Variants in CEP112 observed in about 807,000 individuals in gnomAD.
CEP112 encodes centrosomal protein 112.
In CEP112, 127 loss-of-function variants were observed where a neutral mutation model predicts 153.0. The observed-to-expected ratio is 0.83, with a 90% CI of 0.72 to 0.96. The LOEUF is 0.96. CEP112 is among the 40% of genes least tolerant of loss of function. CEP112 has a pLI of 0.00. For missense variants in CEP112, 1,089 were observed against 1,101.2 expected, an observed-to-expected ratio of 0.99 and a Z score of 0.16; for synonymous variants, 358 against 374.4, an observed-to-expected ratio of 0.96 and a Z score of 0.51.
chr17:65,940,780 T>C (rs2061482178), intron 18 of CEP112, among the ~76,000 whole-genome samples: 1 of 152,174 alleles, frequency 6.6e-6, no homozygotes, highest in African/African-American at 2.4e-5. Context: ...GGGTACAAAG[T>C]TTCACTTAGA....
At chr17:65,698,088 A>G (rs922765637) in intron 23 of CEP112, among the ~76,000 whole-genome samples, 1 of 152,160 alleles carries the variant, frequency 6.6e-6, no homozygotes, top group African/African-American at 2.4e-5. Context: ...TAAAAAAACA[A>G]AACAAAACAA....
intron 23 of CEP112, among the ~76,000 whole-genome samples, chr17:65,699,011 G>A (rs1390897982): frequency 6.6e-6 from 1 of 152,094 alleles, no homozygotes; most frequent in Admixed American, 6.5e-5. Flanking sequence ...ACCAAACTGT[G>A]TATTTCTCCT....
chr17:65,974,612 T>C (rs2062964399), intron 17 of CEP112, among the ~76,000 whole-genome samples: 2 of 152,208 alleles, frequency 1.3e-5, no homozygotes, highest in Non-Finnish European at 2.9e-5. Flanking sequence ...TGTATACCCA[T>C]ATGTAGAACA....
Position 66,030,115 on chromosome 17 carries a change from A to G in CEP112, c.1219-92T>C, listed in dbSNP as rs540696678. 39 of 1,004,404 alleles carry G rather than the reference A, an allele frequency of 3.9e-5. No homozygotes were observed. In the African/African-American group the frequency reaches 6.2e-4, roughly 16 times the overall value. 62.2% of individuals were successfully genotyped at this position (1,004,404 alleles called of 1,614,324 possible). A position where few individuals can be genotyped will look rare whatever the true frequency, so the allele number is the denominator to read the frequency against. ...GCTTGAGGAACACGTATAATCTATA[A>G]GAATAAATAAAACAAATGTATCATA... On this transcript the variant is annotated intron_variant, in intron 12 of 26. Coordinates refer to ENST00000535342, the MANE Select transcript of CEP112 (RefSeq NM_001199165.4).
intron 18 of CEP112, among the ~76,000 whole-genome samples, chr17:65,930,399 T>C (rs949132648): frequency 6.6e-6 from 1 of 152,214 alleles, no homozygotes; most frequent in East Asian, 1.9e-4. Context: ...AAATGCATAT[T>C]ACCACCCACT....
At chr17:66,187,151 T>A (rs2072968002) in intron 1 of CEP112, among the ~76,000 whole-genome samples, 1 of 150,960 alleles carries the variant, frequency 6.6e-6, no homozygotes, top group Non-Finnish European at 1.5e-5. Context: ...ACCACTTAAC[T>A]TGAACTACTG....
At chr17:65,812,386 T>A (rs1200860442) in intron 21 of CEP112, among the ~76,000 whole-genome samples, 2 of 152,196 alleles carry the variant, frequency 1.3e-5, no homozygotes, top group Non-Finnish European at 2.9e-5. Context: ...GATATTTACA[T>A]GGGGAAGAAA....
intron 23 of CEP112, among the ~76,000 whole-genome samples, chr17:65,692,389 G>A (rs1404714173): frequency 2.0e-5 from 3 of 151,888 alleles, no homozygotes; most frequent in Admixed American, 6.6e-5. Context: ...CACCACACCC[G>A]GCTAATTTTT....
At chr17:66,174,175 G>A (rs888106497) in intron 4 of CEP112, among the ~76,000 whole-genome samples, 3 of 152,080 alleles carry the variant, frequency 2.0e-5, no homozygotes, top group Non-Finnish European at 4.4e-5. Flanking sequence ...TGATCCGCCC[G>A]CCTCAGCCTC....
chr17:66,164,943 CT>C (rs1186091258), intron 4 of CEP112, among the ~76,000 whole-genome samples: 1 of 143,834 alleles, frequency 7.0e-6, no homozygotes. Context: ...TAAACAGTTT[CT>C]TTTTTGTTAG....
At chr17:66,179,951 C>T (rs1276068902) in intron 2 of CEP112, among the ~76,000 whole-genome samples, 1 of 152,002 alleles carries the variant, frequency 6.6e-6, no homozygotes, top group Non-Finnish European at 1.5e-5. Context: ...AATGATCATA[C>T]AGTTTTTGTC....
At chr17:65,955,996 T>C (rs1043482596) in intron 18 of CEP112, among the ~76,000 whole-genome samples, 2 of 152,070 alleles carry the variant, frequency 1.3e-5, no homozygotes, top group Non-Finnish European at 2.9e-5. Context: ...CTACAACAAA[T>C]GGACTTAACA....
At chr17:66,161,897 T>TAAA (rs35268651) in intron 4 of CEP112, among the ~76,000 whole-genome samples, 6 of 149,990 alleles carry the variant, frequency 4.0e-5, no homozygotes, top group African/African-American at 4.9e-5. Flanking sequence ...CATTACACTG[T>TAAA]AAAAAAAAAA....
chr17:66,021,309 G>A (rs190729506), intron 16 of CEP112, among the ~76,000 whole-genome samples: 7 of 152,262 alleles, frequency 4.6e-5, no homozygotes, highest in African/African-American at 1.4e-4. Context: ...ATCTGGAGCA[G>A]GGGAAGAGCC....
chr17:65,744,014 C>G (rs745883848), intron 22 of CEP112, among the ~76,000 whole-genome samples: 39 of 152,100 alleles, frequency 2.6e-4, no homozygotes, highest in Admixed American at 1.6e-3. Context: ...CCACCCACCT[C>G]GGCATCCCAA....
At chr17:66,043,272 G>C (rs555868720) in intron 12 of CEP112, 1 of 154,286 alleles carries the variant, frequency 6.5e-6, no homozygotes, top group East Asian at 1.9e-4. Context: ...AGAAATCATG[G>C]ATATTTTTAT....
intron 20 of CEP112, among the ~76,000 whole-genome samples, chr17:65,885,975 A>G (rs1171659136): frequency 6.6e-6 from 1 of 152,226 alleles, no homozygotes; most frequent in Admixed American, 6.5e-5. Context: ...GAACCTATAT[A>G]TATGAATTGC....
At chr17:65,753,321 T>A (rs536233719) in intron 21 of CEP112, among the ~76,000 whole-genome samples, 1 of 152,280 alleles carries the variant, frequency 6.6e-6, no homozygotes, top group East Asian at 1.9e-4. Context: ...GGCATAATTG[T>A]CCATCTAATG....
rs1371409634 is a variant in CEP112, at chr17:66,132,706, G to A, written c.528C>T (p.His176=). The A allele has an allele frequency of 6.2e-7, 1 of 1,613,622 alleles. No homozygotes were observed. The highest frequency in any genetic ancestry group is 8.5e-7 in the Non-Finnish European group (1 of 1,179,630). Reference sequence around the variant, plus strand: ...GGGTAATATTTTGTCCATCTTCTCTGTGAGTTGGACTCAAGGAGTGTGATC... The same window carrying A: ...GGGTAATATTTTGTCCATCTTCTCTATGAGTTGGACTCAAGGAGTGTGATC... ...RVRSHSLSPT[H]REDGQNITPK... The change falls in exon 5 of 27, where the codon CAC becomes CAT. Residue 176 remains histidine (H), a synonymous_variant. Transcript: ENST00000535342.
Sources: allele counts gnomAD v4.1 joint callset (sites outside exome capture counted in the v4.1 genomes callset), GRCh38; gene constraint gnomAD v4.1.1; transcripts MANE v1.5; gene names NCBI Gene and HGNC (gene_info 2026-07-23, HGNC 2026-07-21).